VPS26A: variants seen among roughly 807,000 people sequenced by gnomAD.
VPS26A encodes vacuolar protein sorting-associated protein 26A.
In VPS26A, 22 loss-of-function variants were observed where a neutral mutation model predicts 42.4. The observed-to-expected ratio is 0.52, with a 90% CI of 0.37 to 0.74. VPS26A has a LOEUF of 0.74. Among genes scored for constraint, VPS26A ranks in the 30% least tolerant of loss-of-function variants. The probability of loss-of-function intolerance (pLI) is 0.00; values close to 1 mark genes in which losing one functional copy is unlikely to be tolerated. For missense variants in VPS26A, 276 were observed against 379.2 expected (o/e 0.73, Z 2.26); for synonymous variants, 110 against 123.5 (o/e 0.89, Z 0.73).
At chr10:69,160,813 CCT>C (rs1208084888) in intron 5 of VPS26A, among the ~76,000 whole-genome samples, 1 of 152,126 alleles carries the variant, frequency 6.6e-6, no homozygotes, top group Admixed American at 6.6e-5. Flanking sequence ...GCTAAAAAGT[CCT>C]CTGGATATTA....
intron 1 of VPS26A, among the ~76,000 whole-genome samples, chr10:69,127,322 G>A (rs1368256674): frequency 6.6e-6 from 1 of 151,054 alleles, no homozygotes; most frequent in Non-Finnish European, 1.5e-5. Context: ...GGGAGGCCGA[G>A]GCGGGCGGAT....
At chr10:69,144,607 A>C (rs1307537941) in intron 2 of VPS26A, among the ~76,000 whole-genome samples, 1 of 151,944 alleles carries the variant, frequency 6.6e-6, no homozygotes, top group Admixed American at 6.6e-5. Context: ...TTGTGACTTG[A>C]TTGCTCATTT....
intron 8 of VPS26A, among the ~76,000 whole-genome samples, chr10:69,169,731 C>T (rs1424081317): frequency 1.3e-5 from 2 of 152,074 alleles, no homozygotes; most frequent in African/African-American, 4.8e-5. Flanking sequence ...GCCTCAGCCT[C>T]CCGAGTAGCT....
chr10:69,147,977 G>A (rs940610852), intron 2 of VPS26A, among the ~76,000 whole-genome samples: 1 of 152,156 alleles, frequency 6.6e-6, no homozygotes, highest in Non-Finnish European at 1.5e-5. Context: ...CTCCCACAGT[G>A]CTGGGATTAC....
At chr10:69,131,805 T>C (rs916207834) in intron 1 of VPS26A, among the ~76,000 whole-genome samples, 3 of 152,202 alleles carry the variant, frequency 2.0e-5, no homozygotes, top group Non-Finnish European at 4.4e-5. Context: ...TAGGAGACTG[T>C]TCTCTGTGTA....
chr10:69,151,606 G>A (rs1182840052), intron 2 of VPS26A, among the ~76,000 whole-genome samples: 2 of 152,234 alleles, frequency 1.3e-5, no homozygotes, highest in Admixed American at 6.5e-5. Flanking sequence ...CCTACAATAA[G>A]GCTTAAAAGC....
intron 8 of VPS26A, 83 bp downstream of exon 8, chr10:69,168,714 T>A: frequency 6.7e-7 from 1 of 1,498,874 alleles, no homozygotes; most frequent in Non-Finnish European, 8.9e-7. Flanking sequence ...TTCACTGTAC[T>A]GAGCGAGTGG....
chr10:69,162,406 G>A lies in VPS26A; in HGVS notation c.552G>A (p.Lys184=), dbSNP rs753851998. 7 of 1,396,918 alleles carry A rather than the reference G, an allele frequency of 5.0e-6. No individual in the cohort carries two copies. The highest frequency in any genetic ancestry group is 1.5e-5 in the African/African-American group (1 of 68,846). The allele number at this position is 1,396,918 out of a possible 1,614,324, so 86.5% of individuals were successfully genotyped here. Residue 184 remains lysine (K), a splice_region_variant and synonymous_variant, in exon 6 of 9, where the codon AAG becomes AAA. Coordinates refer to ENST00000263559, the MANE Select transcript of VPS26A (RefSeq NM_004896.5). The part of the protein sequence containing the change: ...LHIEFEYNKS[K]YHLKDVIVGK... The stretch of plus-strand genomic sequence containing the variant: ...AGTGAGATATGTTCTTCCCCAATAG[G>A]TATCATTTAAAGGATGTGATTGTTG...
At chr10:69,160,894 C>CACA (rs1374680876) in intron 5 of VPS26A, among the ~76,000 whole-genome samples, 3 of 152,154 alleles carry the variant, frequency 2.0e-5, no homozygotes, top group Middle Eastern at 3.2e-3. Context: ...TATTAGCTAT[C>CACA]ACAACAGCAG....
At chr10:69,134,288 C>CT (rs1282779396) in intron 2 of VPS26A, among the ~76,000 whole-genome samples, 2 of 152,054 alleles carry the variant, frequency 1.3e-5, no homozygotes, top group Non-Finnish European at 1.5e-5. Context: ...ACTTTTTCCT[C>CT]TATTGTTTGA....
rs71035063 is a variant in VPS26A at position 69,151,282 on chromosome 10, A to AAACAAAAAACAAAAAACACAC, written c.154-4529_154-4528insACAAAAAACAAAAAACACACA. 2.1e-3 allele frequency among the ~76,000 whole-genome samples: 281 copies of AAACAAAAAACAAAAAACACAC among 136,826 alleles called. 12 individuals carry two copies. Among genetic ancestry groups the AAACAAAAAACAAAAAACACAC allele is most frequent in the African/African-American group, 8.8e-3 (266 of 30,150 alleles). 89.8% of individuals were successfully genotyped at this position (136,826 alleles called of 152,430 possible). ...TCCATGTCAAAAAAAAAAAAAAAAA[A>AAACAAAAAACAAAAAACACAC]ACACACACACACACACAATTAGCCG... is the stretch of plus-strand genomic sequence containing the variant. On this transcript the variant is annotated intron_variant, in intron 2 of 8. Transcript: ENST00000263559.
chr10:69,151,113 A>C (rs1841293833), intron 2 of VPS26A, among the ~76,000 whole-genome samples: 1 of 151,606 alleles, frequency 6.6e-6, no homozygotes, highest in African/African-American at 2.4e-5. Flanking sequence ...AAAATACAAA[A>C]AATTATCCGG....
At position 69,171,327 on chromosome 10, in the gene VPS26A, C is replaced by A; in HGVS notation, c.*58C>A. ...CTCCTGTAACCCTTGAGATTAAGTTCAGCAGGTTAAAGATGGTTGCAGCTG... is the reference window on the plus strand; with the variant it reads ...CTCCTGTAACCCTTGAGATTAAGTTAAGCAGGTTAAAGATGGTTGCAGCTG... On this transcript the variant is annotated 3_prime_UTR_variant, in exon 9 of 9. Transcript: ENST00000263559. 2.0e-6 allele frequency: 3 copies of A among 1,522,840 alleles called. No individual in the cohort carries two copies. Among genetic ancestry groups the A allele is most frequent in the South Asian group, 1.2e-5 (1 of 82,512 alleles). The allele number at this position is 1,522,840 out of a possible 1,614,324, so 94.3% of individuals were successfully genotyped here.
At chr10:69,130,360 C>G (rs1188131539) in intron 1 of VPS26A, among the ~76,000 whole-genome samples, 1 of 152,166 alleles carries the variant, frequency 6.6e-6, no homozygotes, top group Non-Finnish European at 1.5e-5. Flanking sequence ...GGGAGTCAAA[C>G]TGAAACTCAA....
At chr10:69,151,864 C>G (rs1371641597) in intron 2 of VPS26A, among the ~76,000 whole-genome samples, 1 of 152,064 alleles carries the variant, frequency 6.6e-6, no homozygotes, top group Non-Finnish European at 1.5e-5. Context: ...GATTATAGTT[C>G]AAATTACTGC....
intron 4 of VPS26A, 107 bp downstream of exon 4, chr10:69,157,270 A>T: frequency 7.2e-7 from 1 of 1,389,750 alleles, no homozygotes; most frequent in Non-Finnish European, 9.6e-7. Flanking sequence ...TGGAAGATTT[A>T]AGATTTTTAA....
At chr10:69,129,744 C>T (rs145857860) in intron 1 of VPS26A, among the ~76,000 whole-genome samples, 2,370 of 152,098 alleles carry the variant, frequency 0.016, 56 homozygotes, top group African/African-American at 0.053. Flanking sequence ...AGGCTGGTCT[C>T]GAACTCCTGA....
intron 2 of VPS26A, among the ~76,000 whole-genome samples, chr10:69,146,633 A>G (rs1404865483): frequency 1.3e-5 from 2 of 151,936 alleles, no homozygotes; most frequent in South Asian, 4.1e-4. Context: ...GAATTTGCCT[A>G]TTTTAGATAT....
At chr10:69,160,739 G>A (rs1841542820) in intron 5 of VPS26A, among the ~76,000 whole-genome samples, 1 of 152,254 alleles carries the variant, frequency 6.6e-6, no homozygotes, top group African/African-American at 2.4e-5. Flanking sequence ...GGCGTGCCCG[G>A]CCTGACATAA....
Sources: gnomAD v4.1 joint callset for allele counts (sites outside exome capture counted in the v4.1 genomes callset) on GRCh38, gnomAD v4.1.1 for gene constraint, MANE v1.5 for transcripts, NCBI Gene and HGNC (gene_info 2026-07-23, HGNC 2026-07-21) for gene names.